DOT1L: variants seen among roughly 807,000 people sequenced by gnomAD.
DOT1L encodes the protein histone-lysine N-methyltransferase, H3 lysine-79 specific.
Under a neutral mutation model 153.3 loss-of-function variants are expected in DOT1L, and 33 were observed. That is an observed-to-expected ratio of 0.22 (90% CI 0.16 to 0.29). The LOEUF is 0.29. Ranked by LOEUF, DOT1L falls within the 10% of genes least tolerant of loss-of-function variation. The pLI is 1.00. For synonymous variants in DOT1L, 1,135 were observed against 965.1 expected, an observed-to-expected ratio of 1.18 and a Z score of -3.26; for missense variants, 1,847 against 2,119.9, an observed-to-expected ratio of 0.87 and a Z score of 2.53.
chr19:2,227,591 C>A, intron 27 of DOT1L: 3 of 949,518 alleles, frequency 3.2e-6, no homozygotes, highest in Non-Finnish European at 4.1e-6. Flanking sequence ...CCACCACGAG[C>A]CTGGCCGAGC....
intron 2 of DOT1L, 142 bp from the exon 3 acceptor site, chr19:2,185,713 G>A (rs2022467359): frequency 2.5e-6 from 2 of 813,550 alleles, no homozygotes; most frequent in South Asian, 1.5e-5. Context: ...AGCTTGCAGT[G>A]AGCCAAGATC....
intron 7 of DOT1L, among the ~76,000 whole-genome samples, chr19:2,199,105 G>A (rs979838148): frequency 1.3e-5 from 2 of 152,184 alleles, no homozygotes; most frequent in Admixed American, 1.3e-4. Context: ...TTTGAAAGGC[G>A]GTGTCTTGAT....
Position 2,208,410 on chromosome 19 carries a change from G to A in DOT1L, c.964-525G>A, listed in dbSNP as rs1456431372. Among the ~76,000 whole-genome samples, 2 of 152,076 alleles carry A rather than the reference G, an allele frequency of 1.3e-5. No individual in the cohort carries two copies. Among genetic ancestry groups the A allele is most frequent in the Admixed American group, 6.5e-5 (1 of 15,274 alleles). Reference sequence around the variant, plus strand: ...AGCCTGCCTGGGGAGCGCTGGTGCCGTCTGGGGACCGACAGCCCCAGGCAG... The same window carrying A: ...AGCCTGCCTGGGGAGCGCTGGTGCCATCTGGGGACCGACAGCCCCAGGCAG... On this transcript the variant is annotated intron_variant, in intron 11 of 27. Coordinates refer to ENST00000398665, the MANE Select transcript of DOT1L (RefSeq NM_032482.3). The surrounding 1 kb of genome is among the most constrained non-coding windows in gnomAD (Gnocchi z 4.4).
rs374885552 is a variant in DOT1L at position 2,216,562 on chromosome 19, G to A, written c.2205G>A (p.Thr735=). The A allele has an allele frequency of 8.1e-6, 13 of 1,609,708 alleles. No individual in the cohort carries two copies. In the African/African-American group the frequency reaches 9.3e-5, roughly 12 times the overall value. Residue 735 remains threonine (T), a synonymous_variant, in exon 20 of 28, where the codon ACG becomes ACA. Coordinates refer to ENST00000398665, the MANE Select transcript of DOT1L (RefSeq NM_032482.3). Reference sequence around the variant, plus strand: ...GCCGGCCTTCGTCGAAGCAGAACACGCCCCAGTACCTGGCCTCACCCCTGG... The same window carrying A: ...GCCGGCCTTCGTCGAAGCAGAACACACCCCAGTACCTGGCCTCACCCCTGG... ...VLSRPSSKQN[T]PQYLASPLDQ... is the part of the protein sequence containing the mutation.
intron 1 of DOT1L, among the ~76,000 whole-genome samples, chr19:2,170,112 C>T (rs1012400971): frequency 1.3e-5 from 2 of 152,034 alleles, no homozygotes; most frequent in African/African-American, 4.8e-5. Context: ...CCAGACTGGT[C>T]GACAGAGTGA....
At chr19:2,221,709 C>G (rs1332288078) in intron 23 of DOT1L, 2 of 485,552 alleles carry the variant, frequency 4.1e-6, no homozygotes, top group Non-Finnish European at 7.3e-6. Context: ...CAGGAGGCTT[C>G]TTGGGAGGCA....
At chr19:2,168,575 C>T (rs564999459) in intron 1 of DOT1L, among the ~76,000 whole-genome samples, 120 of 152,230 alleles carry the variant, frequency 7.9e-4, no homozygotes, top group Middle Eastern at 3.4e-3. Context: ...CTTACATGAC[C>T]TGGGAGTTCC....
In DOT1L at chr19:2,197,480, G is replaced by C. The variant is rs1026602781; in HGVS notation, c.652-2404G>C. Among the ~76,000 whole-genome samples, 3 of 152,196 alleles carry C rather than the reference G, an allele frequency of 2.0e-5. No homozygotes were observed. Among genetic ancestry groups the C allele is most frequent in the African/African-American group, 2.4e-5 (1 of 41,450 alleles). On this transcript the variant is annotated intron_variant, in intron 7 of 27. Transcript: ENST00000398665. The surrounding 1 kb of genome is among the most constrained non-coding windows in gnomAD (Gnocchi z 4.1). The stretch of plus-strand genomic sequence containing the variant: ...GAGCCTTGCTCAGGAGAGGGGTGCT[G>C]TCGGGTGGTGGGGCTGCCGCAGCAC...
chr19:2,182,979 C>A (rs986042024), intron 2 of DOT1L, among the ~76,000 whole-genome samples: 1 of 152,160 alleles, frequency 6.6e-6, no homozygotes, highest in Admixed American at 6.5e-5. Context: ...TAGGCAGAGA[C>A]CTCGAAACTC....
intron 25 of DOT1L, among the ~76,000 whole-genome samples, chr19:2,223,911 A>C (rs569203940): frequency 1.3e-5 from 2 of 152,278 alleles, no homozygotes; most frequent in East Asian, 1.9e-4. Context: ...CCACTGCCTA[A>C]ATCCAGAACC....
At chr19:2,187,140 A>G (rs902828724) in intron 3 of DOT1L, among the ~76,000 whole-genome samples, 1 of 152,188 alleles carries the variant, frequency 6.6e-6, no homozygotes, top group African/African-American at 2.4e-5. Context: ...GCCCCCCACA[A>G]GTCGCTTCCT....
intron 1 of DOT1L, among the ~76,000 whole-genome samples, chr19:2,179,825 C>A (rs888516994): frequency 2.0e-5 from 3 of 152,192 alleles, no homozygotes; most frequent in Non-Finnish European, 4.4e-5. Flanking sequence ...CATGGGCTCT[C>A]GCTGTTTCCC....
intron 26 of DOT1L, 35 bp from the exon 27 acceptor site, chr19:2,226,148 C>G: frequency 6.7e-7 from 1 of 1,498,812 alleles, no homozygotes; most frequent in African/African-American, 1.4e-5. Context: ...GGCAGGTGCT[C>G]TGGGCTCACG....
intron 27 of DOT1L, chr19:2,229,019 G>T: frequency 1.0e-6 from 1 of 985,442 alleles, no homozygotes; most frequent in Non-Finnish European, 1.2e-6. Context: ...TGCTGGACAC[G>T]GCTGATGGCC....
chr19:2,165,831 C>G (rs957915109), intron 1 of DOT1L, among the ~76,000 whole-genome samples: 3 of 151,284 alleles, frequency 2.0e-5, no homozygotes, highest in African/African-American at 4.9e-5. Context: ...TGCAGCGGCG[C>G]GATCTCGGCT....
intron 7 of DOT1L, among the ~76,000 whole-genome samples, chr19:2,195,103 C>T (rs1045701852): frequency 6.6e-6 from 1 of 152,076 alleles, no homozygotes; most frequent in East Asian, 1.9e-4. Context: ...GTAGGGTGTG[C>T]GCTCCCCTTT....
At chr19:2,206,674 T>A in intron 9 of DOT1L, 55 bp from the exon 10 acceptor site, 1 of 1,570,128 alleles carries the variant, frequency 6.4e-7, no homozygotes, top group Non-Finnish European at 8.8e-7. Flanking sequence ...TTGAGTGGTG[T>A]CTGCTCTTCT....
In DOT1L at chr19:2,210,948, G is replaced by A. The variant is rs1022458779; in HGVS notation, c.1351+93G>A. On this transcript the variant is annotated intron_variant, in intron 14 of 27. Transcript: ENST00000398665. Reference sequence around the variant, plus strand: ...GACGCTGCCCTCCTGAGCCCCGTGTGTTCAGGGTGTCCCTGGAGCCTCCCT... The same window carrying A: ...GACGCTGCCCTCCTGAGCCCCGTGTATTCAGGGTGTCCCTGGAGCCTCCCT... The A allele has an allele frequency of 3.3e-6, 5 of 1,503,816 alleles. No homozygotes were observed. The African/African-American group carries it at 4.2e-5, about 13-fold the overall frequency. 93.2% of individuals were successfully genotyped at this position (1,503,816 alleles called of 1,614,324 possible). A position where few individuals can be genotyped will look rare whatever the true frequency, so the allele number is the denominator to read the frequency against.
intron 2 of DOT1L, 114 bp downstream of exon 2, chr19:2,180,870 G>T: frequency 7.6e-7 from 1 of 1,322,130 alleles, no homozygotes; most frequent in Non-Finnish European, 1.1e-6. Flanking sequence ...GACTCCTGGA[G>T]GTGTTGTGAA....
Sources: gnomAD v4.1 joint callset for allele counts (sites outside exome capture counted in the v4.1 genomes callset) on GRCh38, gnomAD v4.1.1 for gene constraint, Gnocchi (gnomAD v3.1) non-coding constraint, MANE v1.5 for transcripts, NCBI Gene and HGNC (gene_info 2026-07-23, HGNC 2026-07-21) for gene names.